The following LYPLAL1 variants were observed in gnomAD, a reference collection of about 807,000 sequenced individuals.
LYPLAL1 encodes lysophospholipase-like protein 1.
Under a neutral mutation model 19.7 loss-of-function variants are expected in LYPLAL1, and 23 were observed. The ratio of observed to expected loss-of-function variants is 1.17; its 90% CI spans 0.84 to 1.65. LYPLAL1 has a LOEUF of 1.65. LYPLAL1 is among the 40% of genes most tolerant of loss of function. The pLI, the probability that LYPLAL1 is intolerant of heterozygous loss-of-function variation, is 0.00. For synonymous variants in LYPLAL1, 119 were observed against 96.3 expected, an observed-to-expected ratio of 1.24 and a Z score of -1.38; for missense variants, 355 against 279.4, an observed-to-expected ratio of 1.27 and a Z score of -1.93.
chr1:219,393,027 C>T, the LYPLAL1 span, among the ~76,000 whole-genome samples: 1 of 152,116 alleles, frequency 6.6e-6, no homozygotes, highest in African/African-American at 2.4e-5. Context: ...ACTTTCTCTG[C>T]TAGATATTTT....
At chr1:219,214,688 CTTT>C (rs11477665), downstream of LYPLAL1, among the ~76,000 whole-genome samples, 16 of 90,368 alleles carry the variant, frequency 1.8e-4, no homozygotes, top group Non-Finnish European at 2.6e-4. Context: ...TTTTTCTTTT[CTTT>C]TTTTTTTTTT....
At chr1:219,299,622 C>A in the LYPLAL1 span, among the ~76,000 whole-genome samples, 1 of 152,174 alleles carries the variant, frequency 6.6e-6, no homozygotes, top group Non-Finnish European at 1.5e-5. Flanking sequence ...GGAGCGGCAG[C>A]AACTCGAGTC....
At chr1:219,379,902 G>A in the LYPLAL1 span, among the ~76,000 whole-genome samples, 44 of 152,172 alleles carry the variant, frequency 2.9e-4, no homozygotes, top group African/African-American at 5.1e-4. Context: ...ACATGCCCAC[G>A]GGCACAAGGT....
chr1:219,173,941 A>C lies in LYPLAL1; in HGVS notation c.51A>C (p.Ala17=). 1 of 1,614,002 alleles carries C rather than the reference A, an allele frequency of 6.2e-7. No homozygotes were observed. The highest frequency in any genetic ancestry group is 8.5e-7 in the Non-Finnish European group (1 of 1,179,958). The stretch of plus-strand genomic sequence containing the variant: ...TGCAGCGCTGTATCGTGTCGCCGGC[A>C]GGGAGGCATAGCGCCTCTCTGATCT... ...SVLQRCIVSP[A]GRHSASLIFL... The change falls in exon 1 of 5, where the codon GCA becomes GCC. Residue 17 remains alanine (A), a synonymous_variant. Transcript: ENST00000366928.
chr1:219,198,840 C>T (rs535308549), intron 3 of LYPLAL1: 3 of 152,200 alleles, frequency 2.0e-5, no homozygotes, highest in South Asian at 2.1e-4. Context: ...AAAAAAGCTA[C>T]GTACATTTTT....
At chr1:219,285,940 A>G in the LYPLAL1 span, among the ~76,000 whole-genome samples, 1 of 152,290 alleles carries the variant, frequency 6.6e-6, no homozygotes, top group Admixed American at 6.5e-5. Context: ...ACACAAACAC[A>G]TTACTCAGAG....
chr1:219,295,246 C>T, the LYPLAL1 span, among the ~76,000 whole-genome samples: 3 of 152,114 alleles, frequency 2.0e-5, no homozygotes, highest in Admixed American at 2.0e-4. Context: ...CTAATTATGA[C>T]TCACATCACA....
chr1:219,295,858 C>T, the LYPLAL1 span, among the ~76,000 whole-genome samples: 1 of 152,198 alleles, frequency 6.6e-6, no homozygotes, highest in African/African-American at 2.4e-5. Context: ...AATGGGCCTT[C>T]TCAGCACCTT....
the LYPLAL1 span, among the ~76,000 whole-genome samples, chr1:219,378,910 C>T: frequency 6.6e-6 from 1 of 152,084 alleles, no homozygotes; most frequent in African/African-American, 2.4e-5. Context: ...AGCCAATGCC[C>T]AGTAATCACT....
At chr1:219,318,350 C>A in the LYPLAL1 span, among the ~76,000 whole-genome samples, 16 of 152,044 alleles carry the variant, frequency 1.1e-4, no homozygotes, top group African/African-American at 3.9e-4. Context: ...CCCTTAGCAC[C>A]CTAAGCAAAC....
At chr1:219,298,894 A>G in the LYPLAL1 span, among the ~76,000 whole-genome samples, 1 of 152,208 alleles carries the variant, frequency 6.6e-6, no homozygotes, top group African/African-American at 2.4e-5. Context: ...GCCAGTTTCC[A>G]CTGATTATTA....
chr1:219,435,585 G>A, the LYPLAL1 span, among the ~76,000 whole-genome samples: 1 of 152,082 alleles, frequency 6.6e-6, no homozygotes, highest in Non-Finnish European at 1.5e-5. Context: ...CCAGTACTTT[G>A]GGAGGCCGAG....
the LYPLAL1 span, among the ~76,000 whole-genome samples, chr1:219,226,418 A>G: frequency 6.6e-6 from 1 of 152,224 alleles, no homozygotes; most frequent in African/African-American, 2.4e-5. Context: ...AATATACAGC[A>G]TGCATTCTGC....
chr1:219,198,439 CAT>C (rs777144136), intron 3 of LYPLAL1: 2 of 151,476 alleles, frequency 1.3e-5, no homozygotes, highest in South Asian at 2.1e-4. Flanking sequence ...TTAATTTTGA[CAT>C]AAAAATTTAC....
chr1:219,354,155 G>T, the LYPLAL1 span, among the ~76,000 whole-genome samples: 2 of 152,178 alleles, frequency 1.3e-5, no homozygotes, highest in African/African-American at 4.8e-5. Context: ...CACAAGCAAA[G>T]AAGTGGAAGG....
chr1:219,210,105 T>C (rs1239065013), intron 3 of LYPLAL1, among the ~76,000 whole-genome samples: 3 of 152,118 alleles, frequency 2.0e-5, no homozygotes, highest in Non-Finnish European at 1.5e-5. Flanking sequence ...AAACACCAGA[T>C]ACATAACTCC....
chr1:219,443,855 A>G, the LYPLAL1 span, among the ~76,000 whole-genome samples: 2 of 152,228 alleles, frequency 1.3e-5, no homozygotes, highest in Non-Finnish European at 2.9e-5. Flanking sequence ...GGCCAGAGCC[A>G]CTTCTGGTAG....
the LYPLAL1 span, among the ~76,000 whole-genome samples, chr1:219,427,237 A>G: frequency 1.3e-5 from 2 of 152,194 alleles, no homozygotes; most frequent in Non-Finnish European, 1.5e-5. Flanking sequence ...AAAGTGTAAA[A>G]ATGTGGAACT....
chr1:219,439,458 T>C, the LYPLAL1 span, among the ~76,000 whole-genome samples: 2 of 152,158 alleles, frequency 1.3e-5, no homozygotes, highest in Non-Finnish European at 2.9e-5. Flanking sequence ...CCTAGAATAC[T>C]CCCTTACATT....
Sources: allele counts gnomAD v4.1 joint callset (sites outside exome capture counted in the v4.1 genomes callset), GRCh38; gene constraint gnomAD v4.1.1; transcripts MANE v1.5; gene names NCBI Gene and HGNC (gene_info 2026-07-23, HGNC 2026-07-21).